DCAF7: variants seen among roughly 807,000 people sequenced by gnomAD.
DCAF7 encodes DDB1- and CUL4-associated factor 7.
In DCAF7, 4 loss-of-function variants were observed where a neutral mutation model predicts 41.2. The observed-to-expected ratio is 0.10, with a 90% CI of 0.05 to 0.22. DCAF7 has a LOEUF of 0.22. Among genes scored for constraint, DCAF7 ranks in the 10% least tolerant of loss-of-function variants. DCAF7 has a pLI of 1.00. For missense variants in DCAF7, 131 were observed against 443.2 expected, an observed-to-expected ratio of 0.30 and a Z score of 6.32; for synonymous variants, 143 against 164.2, an observed-to-expected ratio of 0.87 and a Z score of 0.99.
intron 1 of DCAF7, among the ~76,000 whole-genome samples, chr17:63,560,553 A>G (rs7212676): frequency 6.6e-6 from 1 of 152,194 alleles, no homozygotes; most frequent in African/African-American, 2.4e-5. Flanking sequence ...AAGCATATGC[A>G]TATACATATG....
At chr17:63,566,519 T>C (rs1446207956) in intron 1 of DCAF7, among the ~76,000 whole-genome samples, 1 of 152,022 alleles carries the variant, frequency 6.6e-6, no homozygotes, top group African/African-American at 2.4e-5. Flanking sequence ...CCAAAACAAC[T>C]GAATAGTTAA....
chr17:63,569,818 T>G lies in DCAF7; in HGVS notation c.139-8652T>G, dbSNP rs369248800. Among the ~76,000 whole-genome samples, 116 of 152,306 alleles carry G rather than the reference T, an allele frequency of 7.6e-4. 1 individual carries two copies. The highest frequency in any genetic ancestry group is 3.4e-3 in the Middle Eastern group (1 of 294). ...AATTCTGCCTCCCGGGTTCAAGTGATTCTCCTGCCTCAGCCTTCTGAGAAG... is the reference window on the plus strand; with the variant it reads ...AATTCTGCCTCCCGGGTTCAAGTGAGTCTCCTGCCTCAGCCTTCTGAGAAG... On this transcript the variant is annotated intron_variant, in intron 1 of 6. Coordinates refer to ENST00000614556, the MANE Select transcript of DCAF7 (RefSeq NM_005828.5).
intron 1 of DCAF7, chr17:63,552,584 A>G (rs1444982757): frequency 6.6e-6 from 1 of 152,212 alleles, no homozygotes; most frequent in Non-Finnish European, 1.5e-5. Flanking sequence ...CACTAGAACT[A>G]TTGTTTAAAG....
chr17:63,586,125 C>CAA (rs545840925), intron 6 of DCAF7, among the ~76,000 whole-genome samples: 186 of 58,248 alleles, frequency 3.2e-3, no homozygotes, highest in Middle Eastern at 0.01. Context: ...ACTCTGTCTC[C>CAA]AAAAAAAAAA....
At chr17:63,551,377 A>T (rs1201026576) in intron 1 of DCAF7, among the ~76,000 whole-genome samples, 1 of 134,670 alleles carries the variant, frequency 7.4e-6, no homozygotes, top group Non-Finnish European at 1.5e-5. Flanking sequence ...CCTGATATCC[A>T]TTCTCTCTAA....
chr17:63,586,531 C>T (rs962224717), intron 6 of DCAF7, among the ~76,000 whole-genome samples: 3 of 151,884 alleles, frequency 2.0e-5, no homozygotes, highest in Admixed American at 2.0e-4. Context: ...TTTGGGAGGC[C>T]GAGGCAGGTG....
intron 1 of DCAF7, among the ~76,000 whole-genome samples, chr17:63,554,573 T>G (rs1292673451): frequency 6.6e-6 from 1 of 152,270 alleles, no homozygotes; most frequent in Non-Finnish European, 1.5e-5. Context: ...GTTATCTAAG[T>G]CCTGCCACTT....
In DCAF7 at chr17:63,559,712, G is replaced by T. The variant is rs1375580671; in HGVS notation, c.138+8897G>T. Among the ~76,000 whole-genome samples the T allele has an allele frequency of 7.2e-5, 11 of 151,752 alleles. No individual in the cohort carries two copies. The East Asian group carries it at 1.9e-3, about 27-fold the overall frequency. On this transcript the variant is annotated intron_variant, in intron 1 of 6. Coordinates refer to ENST00000614556, the MANE Select transcript of DCAF7 (RefSeq NM_005828.5). ...AGCTACTCGGGAAGCTGAGGCAGGA[G>T]AATCGCTTGAACCCAGGAGGCAGAG... is the stretch of plus-strand genomic sequence containing the variant.
intron 1 of DCAF7, among the ~76,000 whole-genome samples, chr17:63,555,621 G>T (rs1445594965): frequency 6.6e-6 from 1 of 152,156 alleles, no homozygotes; most frequent in African/African-American, 2.4e-5. Context: ...GTACACATCA[G>T]TACTTTTGAT....
intron 1 of DCAF7, among the ~76,000 whole-genome samples, chr17:63,574,672 G>A (rs1222179974): frequency 6.6e-6 from 1 of 152,130 alleles, no homozygotes; most frequent in Non-Finnish European, 1.5e-5. Flanking sequence ...ATTGGAAATG[G>A]AATTTAAAAC....
intron 1 of DCAF7, among the ~76,000 whole-genome samples, chr17:63,574,086 T>C (rs550479225): frequency 3.3e-5 from 5 of 152,288 alleles, no homozygotes; most frequent in African/African-American, 1.2e-4. Flanking sequence ...CGTGGCTCTC[T>C]CAAACAGGCC....
rs1419522637 is a variant in DCAF7 at position 63,594,093 on chromosome 17, T to C, written c.*4921T>C. On this transcript the variant is annotated 3_prime_UTR_variant, in exon 7 of 7. Coordinates refer to ENST00000614556, the MANE Select transcript of DCAF7 (RefSeq NM_005828.5). The stretch of plus-strand genomic sequence containing the variant: ...GTGAAACAACTATGGGGAATCTCCA[T>C]TGAAGGCTACTTCATGGGCACCTGA... 1.3e-5 allele frequency: 2 copies of C among 152,668 alleles called. No homozygotes were observed. The highest frequency in any genetic ancestry group is 2.9e-5 in the Non-Finnish European group (2 of 68,044). The allele number at this position is 152,668 out of a possible 1,614,324, so 9.5% of individuals were successfully genotyped here. A position where few individuals can be genotyped will look rare whatever the true frequency, so the allele number is the denominator to read the frequency against.
chr17:63,560,215 G>C (rs2033366271), intron 1 of DCAF7, among the ~76,000 whole-genome samples: 3 of 152,090 alleles, frequency 2.0e-5, no homozygotes, highest in Non-Finnish European at 4.4e-5. Context: ...GTGTGTGTGT[G>C]TATACACGTA....
At chr17:63,567,479 G>A (rs894846900) in intron 1 of DCAF7, among the ~76,000 whole-genome samples, 3 of 147,662 alleles carry the variant, frequency 2.0e-5, no homozygotes, top group Non-Finnish European at 3.1e-5. Context: ...GAACATTCAG[G>A]TGGGCCAGGA....
chr17:63,582,296 C>G (rs2033631107), intron 4 of DCAF7, among the ~76,000 whole-genome samples: 1 of 152,134 alleles, frequency 6.6e-6, no homozygotes, highest in African/African-American at 2.4e-5. Flanking sequence ...GGCAGTGCCC[C>G]TCTGTAGGCA....
chr17:63,574,967 A>T (rs1568102463), intron 1 of DCAF7, among the ~76,000 whole-genome samples: 1 of 141,596 alleles, frequency 7.1e-6, no homozygotes, highest in Non-Finnish European at 1.5e-5. Context: ...GCAAGATCCT[A>T]TCTTAAAAAA....
Position 63,550,533 on chromosome 17 carries a change from T to C in DCAF7, c.-145T>C. On this transcript the variant is annotated 5_prime_UTR_variant, in exon 1 of 7. Transcript: ENST00000614556. The surrounding 1 kb of genome is among the most constrained non-coding windows in gnomAD (Gnocchi z 4.8). ...GGGTCGGGCTCGGCCGTCGTCGTTG[T>C]TTGTCGCCGCATCCCCGCTTCCGGG... 1.3e-5 allele frequency: 17 copies of C among 1,320,198 alleles called. No individual in the cohort carries two copies. Among genetic ancestry groups the C allele is most frequent in the Non-Finnish European group, 1.7e-5 (17 of 994,740 alleles). The allele number at this position is 1,320,198 out of a possible 1,614,324, so 81.8% of individuals were successfully genotyped here. A position where few individuals can be genotyped will look rare whatever the true frequency, so the allele number is the denominator to read the frequency against.
chr17:63,558,378 T>C (rs1326891549), intron 1 of DCAF7, among the ~76,000 whole-genome samples: 2 of 152,228 alleles, frequency 1.3e-5, no homozygotes, highest in East Asian at 1.9e-4. Flanking sequence ...TACTTGGGGA[T>C]ATACTTAGGC....
Position 63,589,553 on chromosome 17 carries a change from T to C in DCAF7, c.*381T>C. On this transcript the variant is annotated 3_prime_UTR_variant, in exon 7 of 7. Transcript: ENST00000614556. Reference sequence around the variant, plus strand: ...TTGCTGCCCAAGGCAGCAGTTCATGTCTCGTCCATGTCCATGTTCGTGTTA... The same window carrying C: ...TTGCTGCCCAAGGCAGCAGTTCATGCCTCGTCCATGTCCATGTTCGTGTTA... 3.4e-6 allele frequency: 1 copy of C among 296,756 alleles called. No homozygotes were observed. 18.4% of individuals were successfully genotyped at this position (296,756 alleles called of 1,614,324 possible). A position where few individuals can be genotyped will look rare whatever the true frequency, so the allele number is the denominator to read the frequency against.
Sources: allele counts gnomAD v4.1 joint callset (sites outside exome capture counted in the v4.1 genomes callset), GRCh38; gene constraint gnomAD v4.1.1; non-coding constraint Gnocchi (gnomAD v3.1); transcripts MANE v1.5; gene names NCBI Gene and HGNC (gene_info 2026-07-23, HGNC 2026-07-21).